Variants in TOPBP1 observed in about 807,000 individuals in gnomAD.
TOPBP1 encodes DNA topoisomerase 2-binding protein 1.
A neutral mutation model predicts 167.7 loss-of-function variants in TOPBP1; 28 were observed. The observed-to-expected ratio is 0.17, with a 90% CI of 0.12 to 0.23. The LOEUF is 0.23. TOPBP1 is among the 10% of genes least tolerant of loss of function. TOPBP1 has a pLI of 1.00. For missense variants in TOPBP1, 1,554 were observed against 1,809.6 expected, an observed-to-expected ratio of 0.86 and a Z score of 2.56; for synonymous variants, 598 against 611.4, an observed-to-expected ratio of 0.98 and a Z score of 0.32.
Position 133,628,459 on chromosome 3 carries a change from T to G in TOPBP1, c.2707A>C (p.Lys903Gln). The G allele has an allele frequency of 6.2e-7, 1 of 1,610,728 alleles. No homozygotes were observed. Among genetic ancestry groups the G allele is most frequent in the Non-Finnish European group, 8.5e-7 (1 of 1,178,348 alleles). The stretch of plus-strand genomic sequence containing the variant: ...CATACCACTACTTTGTGAAGTGGCT[T>G]TGGGGCTTCTTCCTGTCCATGGAAA... ...EAQSEKEEAPKPLHKVVVCVS... is the reference protein window; with the variant it reads ...EAQSEKEEAPQPLHKVVVCVS... Residue 903 changes from lysine (K) to glutamine (Q), a missense_variant, in exon 16 of 28, where the codon AAG (lysine) becomes CAG (glutamine). This residue lies in a region of TOPBP1 where 1,197 missense variants were observed against 1,351.5 expected (regional missense o/e 0.89). Transcript: ENST00000260810.
chr3:133,660,864 A>G (rs11708565), intron 2 of TOPBP1, among the ~76,000 whole-genome samples, 180 bp downstream of exon 2: 21,445 of 152,236 alleles, frequency 0.14, 1,852 homozygotes, highest in Non-Finnish European at 0.2. Flanking sequence ...CCCCCGAAAT[A>G]CATAATGATG....
At chr3:133,622,569 A>T (rs1935128928) in intron 19 of TOPBP1, among the ~76,000 whole-genome samples, 1 of 152,028 alleles carries the variant, frequency 6.6e-6, no homozygotes, top group Non-Finnish European at 1.5e-5. Flanking sequence ...CTCTAGAAGG[A>T]TACATAAGGA....
intron 8 of TOPBP1, among the ~76,000 whole-genome samples, chr3:133,650,643 TA>T (rs1253501561): frequency 3.9e-5 from 6 of 152,086 alleles, no homozygotes; most frequent in Non-Finnish European, 5.9e-5. Context: ...AAGGTGCCCT[TA>T]AAAAAATTTA....
At chr3:133,618,737 T>C (rs1294774762) in intron 20 of TOPBP1, among the ~76,000 whole-genome samples, 1 of 152,144 alleles carries the variant, frequency 6.6e-6, no homozygotes, top group East Asian at 1.9e-4. Context: ...AATACTAAAG[T>C]AATTGGTACA....
chr3:133,661,196 T>C, intron 1 of TOPBP1, 62 bp from the exon 2 acceptor site: 1 of 1,261,720 alleles, frequency 7.9e-7, no homozygotes, highest in Non-Finnish European at 1.1e-6. Context: ...GTTGCATGTT[T>C]AACCTACCTA....
intron 8 of TOPBP1, 64 bp downstream of exon 8, chr3:133,652,399 A>G (rs970111641): frequency 1.2e-5 from 19 of 1,567,120 alleles, no homozygotes; most frequent in Non-Finnish European, 1.5e-5. Flanking sequence ...AAGGGTCTTC[A>G]AAGTCAGGCT....
chr3:133,654,075 C>G (rs6779063), intron 6 of TOPBP1, among the ~76,000 whole-genome samples: 12,340 of 152,138 alleles, frequency 0.081, 515 homozygotes, highest in Middle Eastern at 0.13. Context: ...AATACATATG[C>G]CATGTGAGAG....
intron 10 of TOPBP1, among the ~76,000 whole-genome samples, chr3:133,645,947 G>C (rs1248637699): frequency 6.6e-6 from 1 of 152,102 alleles, no homozygotes; most frequent in Non-Finnish European, 1.5e-5. Flanking sequence ...AGGAGTTCAA[G>C]AGCAGCCTGG....
In TOPBP1 at chr3:133,623,463, A is replaced by G. The variant is rs1194440709; in HGVS notation, c.2929-6T>C. 1 of 1,605,654 alleles carries G rather than the reference A, an allele frequency of 6.2e-7. No homozygotes were observed. Among genetic ancestry groups the G allele is most frequent in the African/African-American group, 1.3e-5 (1 of 74,798 alleles). On this transcript the variant is annotated splice_region_variant and splice_polypyrimidine_tract_variant and intron_variant, in intron 17 of 27. Coordinates refer to ENST00000260810, the MANE Select transcript of TOPBP1 (RefSeq NM_007027.4). ...TGTTTACACTCTTGGGCACACTGCAATACAATGGTGTGCTTTAAGACAGGA... is the reference window on the plus strand; with the variant it reads ...TGTTTACACTCTTGGGCACACTGCAGTACAATGGTGTGCTTTAAGACAGGA...
At chr3:133,602,043 A>G (rs1244608789) in intron 27 of TOPBP1, among the ~76,000 whole-genome samples, 9 of 152,224 alleles carry the variant, frequency 5.9e-5, no homozygotes. Context: ...GTATGAAGTA[A>G]ACTGCCTGTT....
Position 133,656,792 on chromosome 3 carries a change from T to C in TOPBP1, c.429A>G (p.Val143=). ...CAACTTCTCCTGCAATAAGGTGAGT[T>C]ACTGATACATTAAGGTCTCTGTATA... ...GRVYRDLNVS[V]THLIAGEVGS... Residue 143 remains valine, a synonymous_variant, in exon 5 of 28, where the codon GTA becomes GTG. Coordinates refer to ENST00000260810, the MANE Select transcript of TOPBP1 (RefSeq NM_007027.4). 6.2e-7 allele frequency: 1 copy of C among 1,613,128 alleles called. No individual in the cohort carries two copies. Among genetic ancestry groups the C allele is most frequent in the Non-Finnish European group, 8.5e-7 (1 of 1,179,598 alleles).
At chr3:133,616,690 A>G in intron 23 of TOPBP1, 124 bp downstream of exon 23, 3 of 543,838 alleles carry the variant, frequency 5.5e-6, no homozygotes, top group Non-Finnish European at 9.3e-6. Flanking sequence ...ATAGCCTTAG[A>G]CAAGTTACCC....
intron 14 of TOPBP1, among the ~76,000 whole-genome samples, chr3:133,636,378 T>A (rs1454634308): frequency 1.6e-5 from 2 of 125,822 alleles, no homozygotes; most frequent in African/African-American, 6.1e-5. Context: ...ACATACCATA[T>A]TATATCAGTT....
At chr3:133,606,210 C>G (rs1193474762) in intron 27 of TOPBP1, among the ~76,000 whole-genome samples, 1 of 151,976 alleles carries the variant, frequency 6.6e-6, no homozygotes, top group African/African-American at 2.4e-5. Flanking sequence ...TAATAATATA[C>G]AAAATTTATA....
rs1255190457 is a variant in TOPBP1, at chr3:133,608,864, G to C, written c.4263+9C>G. ...TGTAAAAAGGTCAGTAAATTAATTT[G>C]ATACAAACCTTTGCTCCTCCTGACT... On this transcript the variant is annotated intron_variant, in intron 26 of 27. Coordinates refer to ENST00000260810, the MANE Select transcript of TOPBP1 (RefSeq NM_007027.4). The C allele has an allele frequency of 1.2e-6, 2 of 1,602,244 alleles. No homozygotes were observed. The highest frequency in any genetic ancestry group is 1.3e-5 in the African/African-American group (1 of 74,088).
At chr3:133,608,807 C>T in intron 26 of TOPBP1, 66 bp downstream of exon 26, 2 of 1,569,660 alleles carry the variant, frequency 1.3e-6, no homozygotes, top group East Asian at 2.2e-5. Context: ...ATGAAGAACT[C>T]ATCATAGCAA....
intron 3 of TOPBP1, among the ~76,000 whole-genome samples, chr3:133,658,467 A>T (rs1254911093): frequency 7.3e-6 from 1 of 136,914 alleles, no homozygotes; most frequent in Non-Finnish European, 1.6e-5. Flanking sequence ...ACCCTATAAC[A>T]AAAGAAAAAA....
intron 16 of TOPBP1, 58 bp from the exon 17 acceptor site, chr3:133,624,233 G>A: frequency 6.4e-7 from 1 of 1,574,774 alleles, no homozygotes; most frequent in South Asian, 1.1e-5. Context: ...ATTAGTTTAA[G>A]ATGATTCTTA....
intron 10 of TOPBP1, 50 bp from the exon 11 acceptor site, chr3:133,644,413 T>C (rs1288864906): frequency 6.9e-7 from 1 of 1,439,194 alleles, no homozygotes; most frequent in East Asian, 2.4e-5. Context: ...CCTTATACAG[T>C]TTACTTCCTA....
Sources: gnomAD v4.1 joint callset for allele counts (sites outside exome capture counted in the v4.1 genomes callset) on GRCh38, gnomAD v4.1.1 for gene constraint, gnomAD v4.1.1 regional missense constraint, MANE v1.5 for transcripts, NCBI Gene and HGNC (gene_info 2026-07-23, HGNC 2026-07-21) for gene names.